The following THOP1 variants were observed in gnomAD, a reference collection of about 807,000 sequenced individuals.
The protein encoded by THOP1 is thimet oligopeptidase.
In THOP1, 49 loss-of-function variants were observed where a neutral mutation model predicts 71.8. That is an observed-to-expected ratio of 0.68 (90% CI 0.54 to 0.87). The LOEUF is 0.87. THOP1 is among the 40% of genes least tolerant of loss of function. THOP1 has a pLI of 0.00. For missense variants in THOP1, 843 were observed against 975.6 expected (o/e 0.86, Z 1.81); for synonymous variants, 426 against 421.5 (o/e 1.01, Z -0.13).
chr19:2,791,226 A>G (rs538277978), intron 2 of THOP1, among the ~76,000 whole-genome samples: 3 of 152,286 alleles, frequency 2.0e-5, no homozygotes, highest in African/African-American at 7.2e-5. Flanking sequence ...GACAGGGGTT[A>G]GGGACACTGC....
intron 12 of THOP1, among the ~76,000 whole-genome samples, chr19:2,812,628 T>C (rs1916507476): frequency 6.6e-6 from 1 of 152,186 alleles, no homozygotes; most frequent in Non-Finnish European, 1.5e-5. Context: ...CTCTGCAGCC[T>C]GCAGTCCGCG....
Position 2,813,458 on chromosome 19 carries a change from C to T in THOP1, c.*182C>T, listed in dbSNP as rs11557136. 1.3e-3 allele frequency: 973 copies of T among 740,816 alleles called. 12 individuals carry two copies. The African/African-American group carries it at 0.015, about 12-fold the overall frequency. 45.9% of individuals were successfully genotyped at this position (740,816 alleles called of 1,614,324 possible). A position where few individuals can be genotyped will look rare whatever the true frequency, so the allele number is the denominator to read the frequency against. On this transcript the variant is annotated 3_prime_UTR_variant, in exon 13 of 13. Transcript: ENST00000307741. Reference sequence around the variant, plus strand: ...TCGTGGCCCACCCGGCTAGAGACGGCGTCCTCAAGGCATCTGGAGGGCTTT... The same window carrying T: ...TCGTGGCCCACCCGGCTAGAGACGGTGTCCTCAAGGCATCTGGAGGGCTTT...
chr19:2,806,763 C>A, intron 6 of THOP1, 154 bp from the exon 7 acceptor site: 2 of 1,315,464 alleles, frequency 1.5e-6, no homozygotes, highest in Non-Finnish European at 2.1e-6. Context: ...GTGGCATGAC[C>A]AGAGGAGTTG....
chr19:2,785,573 G>A lies in THOP1; in HGVS notation c.-90G>A. Reference sequence around the variant, plus strand: ...GGCCGTGGCGGCGGTGGCGGCGGTTGGGCCGAGGCAGGCGGCCTCAGTGGC... The same window carrying A: ...GGCCGTGGCGGCGGTGGCGGCGGTTAGGCCGAGGCAGGCGGCCTCAGTGGC... On this transcript the variant is annotated 5_prime_UTR_variant, in exon 1 of 13. It introduces an in-frame stop codon into an upstream open reading frame of the 5' UTR. Transcript: ENST00000307741. The A allele has an allele frequency of 9.2e-6, 13 of 1,419,658 alleles. No individual in the cohort carries two copies. Among genetic ancestry groups the A allele is most frequent in the Non-Finnish European group, 1.2e-5 (13 of 1,073,376 alleles). 87.9% of individuals were successfully genotyped at this position (1,419,658 alleles called of 1,614,324 possible).
At position 2,790,625 on chromosome 19, in the gene THOP1, C is replaced by T. The variant is rs753141728; in HGVS notation, c.221C>T (p.Thr74Ile). The change falls in exon 2 of 13, where the codon ACC becomes ATC. Residue 74 changes from threonine (T) to isoleucine (I), a missense_variant. Transcript: ENST00000307741. ...AAGGCGCTGGCCGATGTGGAGGTCA[C>T]CTACACAGGTAAGTCCCAGGCAGGG... ...TLKALADVEV[T>I]YTVQRNILDF... The T allele has an allele frequency of 2.8e-5, 44 of 1,560,226 alleles. No homozygotes were observed. The Admixed American group carries it at 4.8e-4, about 17-fold the overall frequency.
At position 2,801,407 on chromosome 19, in the gene THOP1, C is replaced by T. The variant is rs189578002; in HGVS notation, c.589+1616C>T. The stretch of plus-strand genomic sequence containing the variant: ...TTTGGTGTCTAACTCTTTGGGGTGC[C>T]GTTCCATTTGTCGGGCCTGAGGGGT... On this transcript the variant is annotated intron_variant, in intron 5 of 12. Transcript: ENST00000307741. This position sits in a 1 kb window ranked among gnomAD's most constrained non-coding sequence, Gnocchi z 5.1. 6.6e-6 allele frequency among the ~76,000 whole-genome samples: 1 copy of T among 152,148 alleles called. No individual in the cohort carries two copies. The highest frequency in any genetic ancestry group is 6.6e-5 in the Admixed American group (1 of 15,266).
At chr19:2,796,983 C>T (rs1421071460) in intron 4 of THOP1, among the ~76,000 whole-genome samples, 1 of 152,208 alleles carries the variant, frequency 6.6e-6, no homozygotes, top group Non-Finnish European at 1.5e-5. Context: ...GCCCAGTGTT[C>T]AGCGGCACCA....
chr19:2,796,719 C>T (rs1344281380), intron 4 of THOP1, among the ~76,000 whole-genome samples: 1 of 152,036 alleles, frequency 6.6e-6, no homozygotes, highest in Non-Finnish European at 1.5e-5. Flanking sequence ...CTGTGGCCCC[C>T]TGCCCCTGCC....
chr19:2,798,475 G>T (rs1018743604), intron 4 of THOP1, among the ~76,000 whole-genome samples: 3 of 152,196 alleles, frequency 2.0e-5, no homozygotes, highest in African/African-American at 7.2e-5. Flanking sequence ...CGGAAAAGGT[G>T]CGAGGTCCGG....
intron 4 of THOP1, among the ~76,000 whole-genome samples, chr19:2,798,466 G>A (rs1045298382): frequency 6.6e-6 from 1 of 152,172 alleles, no homozygotes; most frequent in African/African-American, 2.4e-5. Flanking sequence ...ACAGAAGCGC[G>A]GAAAAGGTGC....
At chr19:2,800,825 C>T (rs1034466777) in intron 5 of THOP1, among the ~76,000 whole-genome samples, 3 of 152,056 alleles carry the variant, frequency 2.0e-5, no homozygotes, top group Admixed American at 1.3e-4. Flanking sequence ...GCACCATTCC[C>T]GCAGCCACCC....
intron 1 of THOP1, among the ~76,000 whole-genome samples, chr19:2,789,140 T>C (rs987026878): frequency 6.6e-6 from 1 of 152,220 alleles, no homozygotes; most frequent in Non-Finnish European, 1.5e-5. Context: ...CCCACAAAGC[T>C]GAAAATCCTT....
Position 2,804,923 on chromosome 19 carries a change from G to A in THOP1, c.590-93G>A. On this transcript the variant is annotated intron_variant, in intron 5 of 12. Transcript: ENST00000307741. This position sits in a 1 kb window ranked among gnomAD's most constrained non-coding sequence, Gnocchi z 4.7. Reference sequence around the variant, plus strand: ...CTGAGGGCCCCCTTGTAGCTTTCCAGGCAGAGGGGAAGCCCACCCCTTCCC... The same window carrying A: ...CTGAGGGCCCCCTTGTAGCTTTCCAAGCAGAGGGGAAGCCCACCCCTTCCC... 3.0e-6 allele frequency: 4 copies of A among 1,340,990 alleles called. No individual in the cohort carries two copies. Among genetic ancestry groups the A allele is most frequent in the Non-Finnish European group, 4.0e-6 (4 of 1,000,464 alleles). 83.1% of individuals were successfully genotyped at this position (1,340,990 alleles called of 1,614,324 possible). A position where few individuals can be genotyped will look rare whatever the true frequency, so the allele number is the denominator to read the frequency against.
At chr19:2,799,614 G>A in intron 4 of THOP1, 75 bp from the exon 5 acceptor site, 1 of 1,219,914 alleles carries the variant, frequency 8.2e-7, no homozygotes, top group South Asian at 1.2e-5. Flanking sequence ...CGGCGAGAGG[G>A]TTCCCAGGCG....
chr19:2,810,222 T>A, intron 9 of THOP1, 82 bp from the exon 10 acceptor site: 1 of 1,504,192 alleles, frequency 6.6e-7, no homozygotes, highest in Non-Finnish European at 8.9e-7. Context: ...CTGTTTGCAC[T>A]GTGGCAGCTG....
intron 4 of THOP1, 130 bp downstream of exon 4, chr19:2,796,318 G>A (rs2260414): frequency 0.33 from 236,915 of 709,132 alleles, 42,917 homozygotes; most frequent in African/African-American, 0.6. Flanking sequence ...TGCTGGGCTC[G>A]GGGAGTGCTC....
chr19:2,808,661 G>A (rs774882474), intron 9 of THOP1, among the ~76,000 whole-genome samples: 23 of 152,390 alleles, frequency 1.5e-4, no homozygotes, highest in Non-Finnish European at 2.4e-4. Flanking sequence ...CACAAGGTGC[G>A]TGTATTTCCT....
chr19:2,795,718 G>C (rs917626555), intron 3 of THOP1, among the ~76,000 whole-genome samples: 9 of 152,204 alleles, frequency 5.9e-5, no homozygotes, highest in Non-Finnish European at 1.0e-4. Context: ...TGCAGGTGCA[G>C]GAAAGAATCG....
rs1916517600 is a variant in THOP1 at position 2,812,934 on chromosome 19, A to C, written c.1909-181A>C. Among the ~76,000 whole-genome samples the C allele has an allele frequency of 2.0e-5, 3 of 152,162 alleles. 1 individual carries two copies. In the South Asian group the frequency reaches 6.2e-4, roughly 32 times the overall value. On this transcript the variant is annotated intron_variant, in intron 12 of 12. Transcript: ENST00000307741. ...CCTCAGTGCACACCCCCGCTCTGAG[A>C]TTCTGATGAAAGGCACCTGCGCTCT...
Sources: allele counts gnomAD v4.1 joint callset (sites outside exome capture counted in the v4.1 genomes callset), GRCh38; gene constraint gnomAD v4.1.1; non-coding constraint Gnocchi (gnomAD v3.1); transcripts MANE v1.5; gene names NCBI Gene and HGNC (gene_info 2026-07-23, HGNC 2026-07-21).